GRIN3A: variants seen among roughly 807,000 people sequenced by gnomAD.
The protein encoded by GRIN3A is glutamate receptor ionotropic, NMDA 3A.
Under a neutral mutation model 92.4 loss-of-function variants are expected in GRIN3A, and 47 were observed. The observed-to-expected ratio is 0.51, with a 90% CI of 0.40 to 0.65. The LOEUF (loss-of-function observed/expected upper bound fraction) is 0.65, where lower values mean the gene tolerates loss of function less well. GRIN3A is among the 30% of genes least tolerant of loss of function. The pLI, the probability that GRIN3A is intolerant of heterozygous loss-of-function variation, is 0.00. For synonymous variants in GRIN3A, 527 were observed against 540.6 expected (o/e 0.97, Z 0.35); for missense variants, 1,324 against 1,393.1 (o/e 0.95, Z 0.79).
intron 5 of GRIN3A, among the ~76,000 whole-genome samples, chr9:101,614,987 C>A (rs1271318785): frequency 6.6e-6 from 1 of 151,690 alleles, no homozygotes; most frequent in Non-Finnish European, 1.5e-5. Context: ...TAATGCAGGG[C>A]AAGGGAGGCA....
intron 5 of GRIN3A, among the ~76,000 whole-genome samples, chr9:101,619,973 A>C (rs1588252274): frequency 1.3e-5 from 2 of 152,130 alleles, no homozygotes; most frequent in Non-Finnish European, 2.9e-5. Flanking sequence ...TTTGCTATAT[A>C]CTGCGTACCG....
rs553900338 is a variant in GRIN3A at position 101,594,791 on chromosome 9, A to G, written c.2767-15431T>C. The G allele has an allele frequency of 2.1e-4, 331 of 1,613,594 alleles. 6 individuals carry two copies. In the South Asian group the frequency reaches 3.4e-3, roughly 16 times the overall value. On this transcript the variant is annotated intron_variant, in intron 6 of 8. Coordinates refer to ENST00000361820, the MANE Select transcript of GRIN3A (RefSeq NM_133445.3). ...GTTGTGGCGCAGCTCCGGCAGGGACATGAACTCCTCCACGCTCAGAGACCC... is the reference window on the plus strand; with the variant it reads ...GTTGTGGCGCAGCTCCGGCAGGGACGTGAACTCCTCCACGCTCAGAGACCC...
intron 6 of GRIN3A, among the ~76,000 whole-genome samples, chr9:101,608,512 A>G (rs983886080): frequency 4.6e-5 from 7 of 151,984 alleles, no homozygotes; most frequent in Non-Finnish European, 1.0e-4. Context: ...TTTTTGGTCT[A>G]TACTTGATTT....
chr9:101,683,688 T>C (rs1321263992), intron 2 of GRIN3A, among the ~76,000 whole-genome samples: 3 of 152,164 alleles, frequency 2.0e-5, no homozygotes, highest in Non-Finnish European at 4.4e-5. Context: ...ACATTCATCA[T>C]GATGAAAATA....
rs1827787975 is a variant in GRIN3A, at chr9:101,573,518, G to GA, written c.3009-6dup. On this transcript the variant is annotated splice_region_variant and splice_polypyrimidine_tract_variant and intron_variant, in intron 8 of 8. Coordinates refer to ENST00000361820, the MANE Select transcript of GRIN3A (RefSeq NM_133445.3). ...TGACGGGGTCCCACATTAGACCTAG[G>GA]AAACAGAGAAATTTTAGATTTACTT... is the stretch of plus-strand genomic sequence containing the variant. 1 of 1,608,648 alleles carries GA rather than the reference G, an allele frequency of 6.2e-7. No homozygotes were observed. The highest frequency in any genetic ancestry group is 1.3e-5 in the African/African-American group (1 of 74,778).
intron 3 of GRIN3A, 32 bp from the exon 4 acceptor site, chr9:101,628,433 A>G (rs1439218893): frequency 2.3e-5 from 37 of 1,600,222 alleles, no homozygotes; most frequent in Non-Finnish European, 3.1e-5. Context: ...GGCTTAAATA[A>G]AAATTATTCT....
At chr9:101,678,422 C>G (rs1448163642) in intron 2 of GRIN3A, among the ~76,000 whole-genome samples, 1 of 152,080 alleles carries the variant, frequency 6.6e-6, no homozygotes, top group Non-Finnish European at 1.5e-5. Context: ...AATTTCCATC[C>G]TCAGAACAGA....
chr9:101,611,960 G>A (rs1287835353), intron 6 of GRIN3A, among the ~76,000 whole-genome samples: 1 of 152,210 alleles, frequency 6.6e-6, no homozygotes, highest in Non-Finnish European at 1.5e-5. Context: ...AGCCTGTGCA[G>A]GGAAGCCAAG....
At chr9:101,652,499 A>G (rs1013759781) in intron 3 of GRIN3A, among the ~76,000 whole-genome samples, 6 of 151,976 alleles carry the variant, frequency 3.9e-5, no homozygotes, top group Non-Finnish European at 7.4e-5. Context: ...GCAACTTTGC[A>G]TTAAATTCCC....
chr9:101,719,933 G>A (rs1382206570), intron 1 of GRIN3A, among the ~76,000 whole-genome samples: 1 of 152,038 alleles, frequency 6.6e-6, no homozygotes, highest in East Asian at 1.9e-4. Context: ...TATCCTGATG[G>A]CTCCCCAACT....
chr9:101,728,759 G>A (rs1830106042), intron 1 of GRIN3A, among the ~76,000 whole-genome samples: 1 of 152,096 alleles, frequency 6.6e-6, no homozygotes, highest in Non-Finnish European at 1.5e-5. Context: ...AGTAGTGCAT[G>A]GGCACTGCTT....
intron 7 of GRIN3A, among the ~76,000 whole-genome samples, chr9:101,578,213 G>C (rs573132035): frequency 6.6e-6 from 1 of 152,282 alleles, no homozygotes; most frequent in South Asian, 2.1e-4. Flanking sequence ...AGAAGGGAAG[G>C]AGGACTCTTG....
chr9:101,598,025 G>C (rs764930299), intron 6 of GRIN3A, among the ~76,000 whole-genome samples: 4 of 152,190 alleles, frequency 2.6e-5, no homozygotes, highest in Admixed American at 6.5e-5. Context: ...TGTGAGATCA[G>C]TATGTGGGGA....
At chr9:101,634,060 A>C (rs774482722) in intron 3 of GRIN3A, among the ~76,000 whole-genome samples, 1 of 152,034 alleles carries the variant, frequency 6.6e-6, no homozygotes, top group Non-Finnish European at 1.5e-5. Flanking sequence ...CTGGCCGGGC[A>C]TGGTGGTTTA....
intron 3 of GRIN3A, 148 bp from the exon 4 acceptor site, chr9:101,628,549 C>T (rs1812364706): frequency 1.4e-6 from 1 of 710,274 alleles, no homozygotes; most frequent in South Asian, 1.9e-5. Context: ...AATGTGCAGA[C>T]ATGGCTACAT....
At chr9:101,726,652 C>T (rs115676357) in intron 1 of GRIN3A, among the ~76,000 whole-genome samples, 5,620 of 150,856 alleles carry the variant, frequency 0.037, 114 homozygotes, top group African/African-American at 0.054. Flanking sequence ...CCCATATGTT[C>T]CCATTTAAAA....
At chr9:101,671,239 T>G (rs1300821591) in intron 2 of GRIN3A, 132 bp from the exon 3 acceptor site, 16 of 718,568 alleles carry the variant, frequency 2.2e-5, no homozygotes, top group Non-Finnish European at 3.7e-5. Context: ...GTGCCTATAA[T>G]TTCTTCAAAT....
At chr9:101,585,764 TC>T (rs1827943713) in intron 6 of GRIN3A, among the ~76,000 whole-genome samples, 1 of 152,162 alleles carries the variant, frequency 6.6e-6, no homozygotes, top group Admixed American at 6.5e-5. Context: ...TGAGACAGCC[TC>T]CTAGTTGTTT....
Position 101,670,433 on chromosome 9 carries a change from C to G in GRIN3A, c.1979G>C (p.Arg660Pro). ...GGCTCCAATGGGAGCTGCTGTATCT[C>G]GGGTCCTCACTAAGATGCCCAAGCT... ...STSLGILVRTRDTAAPIGAFM... is the reference protein window; with the variant it reads ...STSLGILVRTPDTAAPIGAFM... Residue 660 changes from arginine (R) to proline (P), a missense_variant, in exon 3 of 9, where the codon CGA becomes CCA. Physicochemically the swap from Arg to Pro is moderately radical, Grantham distance 103. Coordinates refer to ENST00000361820, the MANE Select transcript of GRIN3A (RefSeq NM_133445.3). 6.2e-7 allele frequency: 1 copy of G among 1,613,968 alleles called. No homozygotes were observed. The highest frequency in any genetic ancestry group is 8.5e-7 in the Non-Finnish European group (1 of 1,179,964).
Sources: gnomAD v4.1 joint callset for allele counts (sites outside exome capture counted in the v4.1 genomes callset) on GRCh38, gnomAD v4.1.1 for gene constraint, MANE v1.5 for transcripts, NCBI Gene and HGNC (gene_info 2026-07-23, HGNC 2026-07-21) for gene names.